PCDHAC1: variants seen among roughly 807,000 people sequenced by gnomAD.
The protein encoded by PCDHAC1 is protocadherin alpha-C1.
A neutral mutation model predicts 60.0 loss-of-function variants in PCDHAC1; 42 were observed. The observed-to-expected ratio is 0.70, with a 90% CI of 0.55 to 0.90. The LOEUF is 0.90. PCDHAC1 is among the 40% of genes least tolerant of loss of function. The pLI is 0.00. For missense variants in PCDHAC1, 1,160 were observed against 1,222.3 expected (o/e 0.95, Z 0.76); for synonymous variants, 468 against 499.3 (o/e 0.94, Z 0.84).
At chr5:140,976,515 C>T (rs1285704969) in intron 1 of PCDHAC1, among the ~76,000 whole-genome samples, 1 of 152,016 alleles carries the variant, frequency 6.6e-6, no homozygotes, top group Non-Finnish European at 1.5e-5. Flanking sequence ...CGCGCCACTG[C>T]ACACCAGCCT....
chr5:140,987,149 G>A (rs1380803903), intron 3 of PCDHAC1, among the ~76,000 whole-genome samples: 1 of 151,884 alleles, frequency 6.6e-6, no homozygotes, highest in African/African-American at 2.4e-5. Context: ...GGGAGGTGGA[G>A]GTTGCAGTGA....
intron 1 of PCDHAC1, among the ~76,000 whole-genome samples, chr5:140,973,235 A>C (rs1390895303): frequency 6.6e-6 from 1 of 152,218 alleles, no homozygotes; most frequent in Non-Finnish European, 1.5e-5. Context: ...GTGACCTGAA[A>C]GAGTTAATTC....
At chr5:140,981,692 T>C (rs1168412872) in intron 2 of PCDHAC1, among the ~76,000 whole-genome samples, 1 of 150,826 alleles carries the variant, frequency 6.6e-6, no homozygotes, top group Non-Finnish European at 1.5e-5. Flanking sequence ...CTTCCATCAT[T>C]CATTCATTCA....
chr5:140,949,528 A>G (rs2094388709), intron 1 of PCDHAC1, among the ~76,000 whole-genome samples: 1 of 151,854 alleles, frequency 6.6e-6, no homozygotes, highest in Non-Finnish European at 1.5e-5. Context: ...TTTTATCTTC[A>G]TAAAATATCG....
intron 2 of PCDHAC1, among the ~76,000 whole-genome samples, chr5:140,979,312 C>G (rs1419194517): frequency 1.3e-5 from 2 of 152,166 alleles, no homozygotes; most frequent in Admixed American, 6.5e-5. Flanking sequence ...CCCTCTCTAC[C>G]TATGCTTTCT....
intron 1 of PCDHAC1, among the ~76,000 whole-genome samples, chr5:140,934,143 A>T (rs1335256190): frequency 6.6e-6 from 1 of 152,000 alleles, no homozygotes; most frequent in Non-Finnish European, 1.5e-5. Context: ...TTCCTTCCTT[A>T]TATGTTTATA....
intron 3 of PCDHAC1, among the ~76,000 whole-genome samples, chr5:140,990,741 G>A (rs528078912): frequency 4.3e-4 from 65 of 152,270 alleles, no homozygotes; most frequent in African/African-American, 1.2e-3. Context: ...ACAGCCCTAG[G>A]GTGGATACCT....
chr5:140,936,077 G>A (rs2090754379), intron 1 of PCDHAC1, among the ~76,000 whole-genome samples: 1 of 151,980 alleles, frequency 6.6e-6, no homozygotes, highest in South Asian at 2.1e-4. Flanking sequence ...ACTTTTAGTA[G>A]AGACAGGGTT....
At chr5:140,938,218 T>A (rs1050033125) in intron 1 of PCDHAC1, among the ~76,000 whole-genome samples, 3 of 152,210 alleles carry the variant, frequency 2.0e-5, no homozygotes, top group Admixed American at 2.0e-4. Context: ...AGTGCTGGGA[T>A]TACAGGCATA....
chr5:140,994,314 C>T (rs936811729), intron 3 of PCDHAC1, among the ~76,000 whole-genome samples: 4 of 152,192 alleles, frequency 2.6e-5, no homozygotes, highest in African/African-American at 9.6e-5. Flanking sequence ...AGGGCCCAAA[C>T]ACTCTCAGCA....
chr5:140,968,080 G>A (rs782815703), intron 1 of PCDHAC1: 14 of 1,614,102 alleles, frequency 8.7e-6, no homozygotes, highest in Middle Eastern at 1.7e-4. Context: ...ACAACATCAC[G>A]GTGACAGCCA....
chr5:140,942,588 A>G lies in PCDHAC1; in HGVS notation c.2433+13263A>G, dbSNP rs1416575390. Among the ~76,000 whole-genome samples the G allele has an allele frequency of 2.0e-5, 3 of 149,704 alleles. No homozygotes were observed. The East Asian group carries it at 5.9e-4, about 29-fold the overall frequency. ...AAAATCTTCCCATATAGGATGTCAC[A>G]TATAATTATAGTGTTTATATTTGCC... On this transcript the variant is annotated intron_variant, in intron 1 of 3. Transcript: ENST00000253807.
intron 1 of PCDHAC1, among the ~76,000 whole-genome samples, chr5:140,935,394 G>A (rs959098226): frequency 2.0e-5 from 3 of 152,088 alleles, no homozygotes; most frequent in East Asian, 1.9e-4. Flanking sequence ...GTTATCCCAC[G>A]GGACTCAAAC....
chr5:140,969,075 A>G, intron 1 of PCDHAC1: 1 of 1,614,184 alleles, frequency 6.2e-7, no homozygotes, highest in Non-Finnish European at 8.5e-7. Flanking sequence ...AGGATACCGC[A>G]TGGCCTCAAA....
Position 140,959,507 on chromosome 5 carries a change from T to C in PCDHAC1, c.2434-19442T>C, listed in dbSNP as rs144994756. 4.4e-3 allele frequency among the ~76,000 whole-genome samples: 673 copies of C among 152,282 alleles called. 7 individuals are homozygous for C. Among genetic ancestry groups the C allele is most frequent in the African/African-American group, 0.015 (604 of 41,550 alleles). On this transcript the variant is annotated intron_variant, in intron 1 of 3. Coordinates refer to ENST00000253807, the MANE Select transcript of PCDHAC1 (RefSeq NM_018898.5). Reference sequence around the variant, plus strand: ...GTTATATATGGATCAAACTAAAAAATTTTAAGATCTTTAAGACCATTAATT... The same window carrying C: ...GTTATATATGGATCAAACTAAAAAACTTTAAGATCTTTAAGACCATTAATT...
intron 3 of PCDHAC1, among the ~76,000 whole-genome samples, chr5:140,995,674 AT>A (rs1240189428): frequency 1.3e-5 from 2 of 151,994 alleles, no homozygotes; most frequent in Non-Finnish European, 2.9e-5. Flanking sequence ...TAAATGCAGC[AT>A]TTTTTTTAAT....
chr5:140,967,185 A>G, intron 1 of PCDHAC1: 1 of 1,613,242 alleles, frequency 6.2e-7, no homozygotes, highest in Non-Finnish European at 8.5e-7. Context: ...GAAATATTGG[A>G]CATCAACGAC....
intron 3 of PCDHAC1, among the ~76,000 whole-genome samples, chr5:141,006,304 C>T (rs528368169): frequency 7.9e-5 from 12 of 152,036 alleles, no homozygotes; most frequent in African/African-American, 2.7e-4. Context: ...CTCCACTTCC[C>T]GGGTTCATGC....
chr5:140,965,664 A>G (rs931573016), intron 1 of PCDHAC1, among the ~76,000 whole-genome samples: 2 of 152,254 alleles, frequency 1.3e-5, no homozygotes, highest in Non-Finnish European at 2.9e-5. Flanking sequence ...GTCTTGGGTG[A>G]TAAATGTAAA....
Sources: allele counts gnomAD v4.1 joint callset (sites outside exome capture counted in the v4.1 genomes callset), GRCh38; gene constraint gnomAD v4.1.1; transcripts MANE v1.5; gene names NCBI Gene and HGNC (gene_info 2026-07-23, HGNC 2026-07-21).